CFAP299: variants seen among roughly 807,000 people sequenced by gnomAD.
The protein encoded by CFAP299 is cilia- and flagella-associated protein 299.
CFAP299 carries 21 observed loss-of-function variants against 27.0 expected under a neutral mutation model. The observed-to-expected ratio is 0.78, with a 90% confidence interval of 0.55 to 1.12. The LOEUF is 1.12. Among genes scored for constraint, CFAP299 ranks in the 50% most tolerant of loss-of-function variants. The probability of loss-of-function intolerance (pLI) is 0.00; values close to 1 mark genes in which losing one functional copy is unlikely to be tolerated. For synonymous variants in CFAP299, 104 were observed against 98.1 expected (o/e 1.06, Z -0.36); for missense variants, 310 against 276.6 (o/e 1.12, Z -0.86).
intron 3 of CFAP299, among the ~76,000 whole-genome samples, chr4:80,633,690 A>T: frequency 6.6e-6 from 1 of 152,204 alleles, no homozygotes; most frequent in Admixed American, 6.5e-5. Flanking sequence ...TTTTATTTGC[A>T]TCTAATTAAG....
At chr4:80,345,196 A>C (rs1578336224) in intron 1 of CFAP299, among the ~76,000 whole-genome samples, 1 of 152,344 alleles carries the variant, frequency 6.6e-6, no homozygotes, top group East Asian at 1.9e-4. Flanking sequence ...GAGGAAGTCA[A>C]GTGATGTTTG....
intron 3 of CFAP299, among the ~76,000 whole-genome samples, chr4:80,768,281 A>G (rs890168090): frequency 3.9e-5 from 6 of 152,196 alleles, no homozygotes; most frequent in African/African-American, 1.4e-4. Flanking sequence ...GATGGTGACA[A>G]CTAATAGTAG....
intron 1 of CFAP299, among the ~76,000 whole-genome samples, chr4:80,348,868 A>G (rs1325959173): frequency 1.3e-5 from 2 of 152,236 alleles, no homozygotes; most frequent in Admixed American, 6.5e-5. Context: ...GATAAACTAA[A>G]TAAGTTTTGC....
chr4:80,884,943 A>G (rs1733902474), intron 4 of CFAP299, among the ~76,000 whole-genome samples: 1 of 152,216 alleles, frequency 6.6e-6, no homozygotes, highest in South Asian at 2.1e-4. Flanking sequence ...CTTATCGCTA[A>G]AAGAAGCATG....
intron 2 of CFAP299, among the ~76,000 whole-genome samples, chr4:80,464,704 G>T (rs1729622401): frequency 6.6e-6 from 1 of 152,058 alleles, no homozygotes; most frequent in African/African-American, 2.4e-5. Flanking sequence ...AGCTTTCTGT[G>T]AGTTGGACCA....
At chr4:80,802,827 A>G (rs1278298196) in intron 3 of CFAP299, among the ~76,000 whole-genome samples, 1 of 152,046 alleles carries the variant, frequency 6.6e-6, no homozygotes, top group African/African-American at 2.4e-5. Context: ...TGCATTCCAT[A>G]TTGTGACACT....
In CFAP299 at chr4:80,859,449, C is replaced by T. The variant is rs538976218; in HGVS notation, c.334-10544C>T. 5.7e-4 allele frequency among the ~76,000 whole-genome samples: 86 copies of T among 151,414 alleles called. 1 individual carries two copies. Among genetic ancestry groups the T allele is most frequent in the Middle Eastern group, 3.4e-3 (1 of 294 alleles). The stretch of plus-strand genomic sequence containing the variant: ...TTGTTATGTGTGAATTTGAACCTGT[C>T]GTTATGATGTTAGCTGGTTATTTTG... On this transcript the variant is annotated intron_variant, in intron 3 of 5. Transcript: ENST00000358105.
chr4:80,923,637 A>G (rs1736157265), intron 4 of CFAP299, among the ~76,000 whole-genome samples: 1 of 152,072 alleles, frequency 6.6e-6, no homozygotes, highest in African/African-American at 2.4e-5. Context: ...GATAGCTGCC[A>G]CTATGGTGCT....
chr4:80,619,127 A>C (rs917247126), intron 3 of CFAP299, among the ~76,000 whole-genome samples: 1 of 152,200 alleles, frequency 6.6e-6, no homozygotes, highest in Non-Finnish European at 1.5e-5. Flanking sequence ...CAAACAAAAT[A>C]TAAAAATAAT....
At chr4:80,775,268 CAAG>C (rs1037418435) in intron 3 of CFAP299, among the ~76,000 whole-genome samples, 3 of 151,600 alleles carry the variant, frequency 2.0e-5, no homozygotes, top group East Asian at 1.9e-4. Flanking sequence ...TGAAAGAAAA[CAAG>C]AAAGTATTGT....
chr4:80,362,732 T>G (rs1723615651), intron 1 of CFAP299, 22 bp from the exon 2 acceptor site: 1 of 1,585,366 alleles, frequency 6.3e-7, no homozygotes, highest in Non-Finnish European at 8.5e-7. Flanking sequence ...CCCACTCACC[T>G]AACAACTGAT....
rs566517432 is a variant in CFAP299, at chr4:80,729,998, A to G, written c.334-139995A>G. On this transcript the variant is annotated intron_variant, in intron 3 of 5. Transcript: ENST00000358105. ...AGCTGGTGGCCAGAGATAAAAATTT[A>G]GAGGTGTCTCTCTAAGCAGGCTGGG... is the stretch of plus-strand genomic sequence containing the variant. Among the ~76,000 whole-genome samples, 3 of 152,238 alleles carry G rather than the reference A, an allele frequency of 2.0e-5. No individual in the cohort carries two copies. The East Asian group carries it at 5.8e-4, about 29-fold the overall frequency.
In CFAP299 at chr4:80,962,425, A is replaced by G. The variant is rs558493941; in HGVS notation, c.607-1092A>G. On this transcript the variant is annotated intron_variant, in intron 5 of 5. Transcript: ENST00000358105. ...ATTCCACTGGGCACAATTATTTTGC[A>G]TCTTTGTGGGCAAGATATTTTCCAT... 2.5e-3 allele frequency among the ~76,000 whole-genome samples: 375 copies of G among 152,110 alleles called. 3 individuals are homozygous for G. Among genetic ancestry groups the G allele is most frequent in the African/African-American group, 8.5e-3 (352 of 41,556 alleles).
intron 3 of CFAP299, among the ~76,000 whole-genome samples, chr4:80,782,141 C>G (rs1288575942): frequency 6.6e-6 from 1 of 151,432 alleles, no homozygotes; most frequent in African/African-American, 2.4e-5. Flanking sequence ...TTTTTTTTGG[C>G]TGTGTGATTG....
chr4:80,697,085 T>C (rs1721146143), intron 3 of CFAP299, among the ~76,000 whole-genome samples: 1 of 152,182 alleles, frequency 6.6e-6, no homozygotes, highest in African/African-American at 2.4e-5. Flanking sequence ...GGCTCATGCC[T>C]GTAATCCCAG....
intron 3 of CFAP299, among the ~76,000 whole-genome samples, chr4:80,604,020 A>T (rs1434566269): frequency 1.3e-5 from 2 of 152,198 alleles, no homozygotes; most frequent in Non-Finnish European, 2.9e-5. Context: ...ATATAAAATT[A>T]CATATTAGAC....
chr4:80,438,766 T>C (rs1292878531), intron 2 of CFAP299, among the ~76,000 whole-genome samples: 1 of 152,210 alleles, frequency 6.6e-6, no homozygotes, highest in Non-Finnish European at 1.5e-5. Context: ...TATTTTAACT[T>C]GTATTGTACT....
chr4:80,866,019 G>C (rs1732706829), intron 3 of CFAP299, among the ~76,000 whole-genome samples: 1 of 132,522 alleles, frequency 7.5e-6, no homozygotes, highest in Non-Finnish European at 1.6e-5. Flanking sequence ...GTATACATAT[G>C]TAACTAACCT....
At chr4:80,538,995 T>C (rs1733876192) in intron 2 of CFAP299, among the ~76,000 whole-genome samples, 1 of 152,220 alleles carries the variant, frequency 6.6e-6, no homozygotes, top group South Asian at 2.1e-4. Context: ...AAGACATCTT[T>C]ACACTCAGGA....
Sources: allele counts gnomAD v4.1 joint callset (sites outside exome capture counted in the v4.1 genomes callset), GRCh38; gene constraint gnomAD v4.1.1; transcripts MANE v1.5; gene names NCBI Gene and HGNC (gene_info 2026-07-23, HGNC 2026-07-21).